The following CHD9 variants were observed in gnomAD, a reference collection of about 807,000 sequenced individuals.
CHD9 encodes chromodomain helicase DNA binding protein 9.
Under a neutral mutation model 316.1 loss-of-function variants are expected in CHD9, and 77 were observed. That is an observed-to-expected ratio of 0.24 (90% confidence interval 0.20 to 0.29). The LOEUF is 0.29. Ranked by LOEUF, CHD9 falls within the 10% of genes least tolerant of loss-of-function variation. The pLI is 1.00. For missense variants in CHD9, 2,763 were observed against 3,438.1 expected, an observed-to-expected ratio of 0.80 and a Z score of 4.91; for synonymous variants, 1,129 against 1,158.3, an observed-to-expected ratio of 0.97 and a Z score of 0.51.
intron 2 of CHD9, among the ~76,000 whole-genome samples, chr16:53,204,430 C>T (rs1309149196): frequency 6.6e-6 from 1 of 152,196 alleles, no homozygotes; most frequent in East Asian, 1.9e-4. Context: ...AATCTCTTCG[C>T]TTCTTTTCCT....
intron 1 of CHD9, among the ~76,000 whole-genome samples, chr16:53,105,139 A>C (rs879888499): frequency 6.6e-6 from 1 of 152,110 alleles, no homozygotes; most frequent in African/African-American, 2.4e-5. Context: ...CACCACGCGC[A>C]GCCTCTTTAA....
At chr16:53,193,388 G>T (rs1192376281) in intron 2 of CHD9, among the ~76,000 whole-genome samples, 1 of 151,980 alleles carries the variant, frequency 6.6e-6, no homozygotes, top group Non-Finnish European at 1.5e-5. Flanking sequence ...GGCAGAGCTT[G>T]CAGTGAGCCG....
intron 1 of CHD9, among the ~76,000 whole-genome samples, chr16:53,139,062 A>G (rs891990838): frequency 1.3e-5 from 2 of 152,114 alleles, no homozygotes; most frequent in African/African-American, 4.8e-5. Flanking sequence ...TAAAGGATCT[A>G]TCTTTGGAAA....
At chr16:53,320,530 A>G (rs1462789123) in intron 37 of CHD9, among the ~76,000 whole-genome samples, 1 of 152,168 alleles carries the variant, frequency 6.6e-6, no homozygotes, top group Non-Finnish European at 1.5e-5. Flanking sequence ...TCAAAAAAAT[A>G]AATAAATACT....
At chr16:53,183,505 T>G (rs551129237) in intron 2 of CHD9, among the ~76,000 whole-genome samples, 9 of 152,286 alleles carry the variant, frequency 5.9e-5, no homozygotes, top group African/African-American at 2.2e-4. Flanking sequence ...ATATTAACAT[T>G]TATTCCCGTT....
intron 2 of CHD9, among the ~76,000 whole-genome samples, chr16:53,167,598 C>T (rs764964755): frequency 6.6e-6 from 1 of 151,250 alleles, no homozygotes; most frequent in Non-Finnish European, 1.5e-5. Flanking sequence ...AGAAGGTGTT[C>T]CTCTAAGTTT....
At chr16:53,121,424 T>C (rs79285497) in intron 1 of CHD9, 1 of 456,070 alleles carries the variant, frequency 2.2e-6, no homozygotes, top group East Asian at 6.9e-5. Context: ...GAAGACCTTT[T>C]AAGATTAGGA....
At chr16:53,119,703 A>G (rs1459291769) in intron 1 of CHD9, among the ~76,000 whole-genome samples, 1 of 152,170 alleles carries the variant, frequency 6.6e-6, no homozygotes, top group Non-Finnish European at 1.5e-5. Flanking sequence ...GTGTTGGCGC[A>G]TGCCTGTAAT....
Position 53,222,690 on chromosome 16 carries a change from T to G in CHD9, c.1831T>G (p.Ser611Ala), listed in dbSNP as rs367620142. The G allele has an allele frequency of 1.3e-6, 2 of 1,581,704 alleles. No individual in the cohort carries two copies. The highest frequency in any genetic ancestry group is 2.7e-5 in the African/African-American group (2 of 74,378). Reference sequence around the variant, plus strand: ...TAAGAAACAAAAAAGAAAGAATGAGTCTTCAGATGAAATATCTGATGCAGA... The same window carrying G: ...TAAGAAACAAAAAAGAAAGAATGAGGCTTCAGATGAAATATCTGATGCAGA... Reference protein sequence around the residue: ...LGKKQKRKNESSDEISDAEQM... With the variant: ...LGKKQKRKNEASDEISDAEQM... Residue 611 changes from serine (S) to alanine (A), a missense_variant, in exon 4 of 39, where the codon TCT becomes GCT. Ser to Ala is a moderately conservative substitution (Grantham distance 99). Coordinates refer to ENST00000447540, the MANE Select transcript of CHD9 (RefSeq NM_001308319.2).
chr16:53,165,368 T>C (rs1042917200), intron 2 of CHD9, among the ~76,000 whole-genome samples: 9 of 152,324 alleles, frequency 5.9e-5, no homozygotes, highest in East Asian at 1.9e-4. Flanking sequence ...TATCCAATTA[T>C]GTCAGGAAAT....
chr16:53,152,347 C>T (rs2041189726), intron 1 of CHD9, among the ~76,000 whole-genome samples: 1 of 152,146 alleles, frequency 6.6e-6, no homozygotes, highest in African/African-American at 2.4e-5. Context: ...AAAGTTGGTT[C>T]TGACACTTCC....
At chr16:53,256,381 CTTTT>C (rs1163977563) in intron 19 of CHD9, among the ~76,000 whole-genome samples, 7 of 99,238 alleles carry the variant, frequency 7.1e-5, no homozygotes, top group Admixed American at 1.1e-4. Flanking sequence ...TTTTTCTTTT[CTTTT>C]TTTTTTTTTT....
At chr16:53,120,687 G>C (rs1002218452) in intron 1 of CHD9, among the ~76,000 whole-genome samples, 2 of 151,964 alleles carry the variant, frequency 1.3e-5, no homozygotes, top group Non-Finnish European at 2.9e-5. Context: ...CTTAGGCTAA[G>C]TGGTATAAGT....
At chr16:53,277,060 A>C (rs964775563) in intron 24 of CHD9, among the ~76,000 whole-genome samples, 1 of 152,184 alleles carries the variant, frequency 6.6e-6, no homozygotes, top group Non-Finnish European at 1.5e-5. Context: ...AATCAGGAAG[A>C]ATTAGATACC....
At chr16:53,182,313 A>G (rs1039515707) in intron 2 of CHD9, among the ~76,000 whole-genome samples, 2 of 151,806 alleles carry the variant, frequency 1.3e-5, no homozygotes, top group East Asian at 1.9e-4. Context: ...TCTCATCCCA[A>G]CCTCCCAAGT....
At chr16:53,309,504 T>A (rs1320741297) in intron 34 of CHD9, among the ~76,000 whole-genome samples, 2 of 152,236 alleles carry the variant, frequency 1.3e-5, no homozygotes, top group African/African-American at 2.4e-5. Flanking sequence ...CTACAAACTA[T>A]CTGTCTGTCT....
At chr16:53,263,127 T>C in intron 20 of CHD9, 30 bp downstream of exon 20, 1 of 1,533,456 alleles carries the variant, frequency 6.5e-7, no homozygotes, top group Non-Finnish European at 9.0e-7. Context: ...TAAAATAAAC[T>C]TGCTTTTGGG....
chr16:53,113,582 A>G (rs1274659315), intron 1 of CHD9, among the ~76,000 whole-genome samples: 1 of 151,994 alleles, frequency 6.6e-6, no homozygotes, highest in African/African-American at 2.4e-5. Context: ...AAGTGCTGGG[A>G]TTACAGGTGT....
In CHD9 at chr16:53,157,558, T is replaced by A; in HGVS notation, c.1452+17T>A. 2 of 1,582,854 alleles carry A rather than the reference T, an allele frequency of 1.3e-6. No homozygotes were observed. Among genetic ancestry groups the A allele is most frequent in the South Asian group, 2.3e-5 (2 of 87,818 alleles). ...CAGCGACAGGTATGTAGCTCTTTGC[T>A]TTTATTTTGGAGATTTGGGGGTAGG... On this transcript the variant is annotated intron_variant, in intron 2 of 38. Coordinates refer to ENST00000447540, the MANE Select transcript of CHD9 (RefSeq NM_001308319.2).
Sources: allele counts gnomAD v4.1 joint callset (sites outside exome capture counted in the v4.1 genomes callset), GRCh38; gene constraint gnomAD v4.1.1; transcripts MANE v1.5; gene names NCBI Gene and HGNC (gene_info 2026-07-23, HGNC 2026-07-21).